Variants in SMARCA2 observed in about 807,000 individuals in gnomAD.
SMARCA2 encodes the protein SWI/SNF related BAF chromatin remodeling complex subunit ATPase 2.
A neutral mutation model predicts 199.8 loss-of-function variants in SMARCA2; 61 were observed. The observed-to-expected ratio is 0.31, with a 90% confidence interval of 0.25 to 0.38. The LOEUF (loss-of-function observed/expected upper bound fraction) is 0.38. SMARCA2 is among the 10% of genes least tolerant of loss of function. The pLI, the probability that SMARCA2 is intolerant of heterozygous loss-of-function variation, is 1.00. For missense variants in SMARCA2, 1,344 were observed against 2,012.2 expected, an observed-to-expected ratio of 0.67 and a Z score of 6.35; for synonymous variants, 935 against 732.0, an observed-to-expected ratio of 1.28 and a Z score of -4.48.
chr9:2,111,041 G>GTTTTTTTTTT (rs371262213), intron 24 of SMARCA2, among the ~76,000 whole-genome samples: 2 of 147,844 alleles, frequency 1.4e-5, no homozygotes, highest in African/African-American at 2.5e-5. Context: ...GTACTTTGAT[G>GTTTTTTTTTT]TTTTGTTTTT....
At chr9:2,015,786 G>C (rs923975841) in intron 1 of SMARCA2, among the ~76,000 whole-genome samples, 2 of 152,234 alleles carry the variant, frequency 1.3e-5, no homozygotes, top group African/African-American at 2.4e-5. Context: ...GGCAGTCAGA[G>C]GCGCTGCCAA....
intron 27 of SMARCA2, among the ~76,000 whole-genome samples, chr9:2,146,554 G>C (rs1294892939): frequency 6.6e-6 from 1 of 152,144 alleles, no homozygotes; most frequent in Non-Finnish European, 1.5e-5. Context: ...GAGGGTTCTT[G>C]AATCTTGCAC....
intron 23 of SMARCA2, among the ~76,000 whole-genome samples, chr9:2,106,658 T>C (rs1822767716): frequency 6.6e-6 from 1 of 152,224 alleles, no homozygotes; most frequent in Admixed American, 6.5e-5. Flanking sequence ...CTGAATTTGA[T>C]GTCTCAGATT....
chr9:2,160,742 A>C (rs975240040), intron 27 of SMARCA2: 17 of 434,692 alleles, frequency 3.9e-5, no homozygotes, highest in Non-Finnish European at 6.6e-5. Context: ...TGTGTGAGAG[A>C]GCAATCTCAA....
chr9:2,119,418 A>G lies in SMARCA2; in HGVS notation c.3685-40A>G. ...CACTTACTTGTTTGTACCTTGCCCC[A>G]GCTGTCCACTGGTTAAAATCACTCT... On this transcript the variant is annotated intron_variant, in intron 25 of 33. Transcript: ENST00000349721. The surrounding 1 kb of genome is among the most constrained non-coding windows in gnomAD (Gnocchi z 4.6). The G allele has an allele frequency of 7.3e-7, 1 of 1,376,974 alleles. No individual in the cohort carries two copies. The highest frequency in any genetic ancestry group is 1.2e-5 in the South Asian group (1 of 86,166). 85.3% of individuals were successfully genotyped at this position (1,376,974 alleles called of 1,614,324 possible). A position where few individuals can be genotyped will look rare whatever the true frequency, so the allele number is the denominator to read the frequency against.
At chr9:2,070,196 G>T (rs909957762) in intron 9 of SMARCA2, among the ~76,000 whole-genome samples, 1 of 152,128 alleles carries the variant, frequency 6.6e-6, no homozygotes, top group Non-Finnish European at 1.5e-5. Context: ...TAGTGTGCTG[G>T]CCTCAGATCA....
rs58526063 is a variant in SMARCA2, at chr9:2,054,997, T to C, written c.1173+274T>C. On this transcript the variant is annotated intron_variant, in intron 6 of 33. Transcript: ENST00000349721. ...TCAGAGTTATGGCGTTTTGTTACCA[T>C]GGATGAAAAACCTTGGGAACAAGTG... 0.014 allele frequency among the ~76,000 whole-genome samples: 2,085 copies of C among 152,326 alleles called. 41 individuals are homozygous for C. The highest frequency in any genetic ancestry group is 0.047 in the African/African-American group (1,947 of 41,562).
chr9:2,065,196 T>C (rs1313303117), intron 9 of SMARCA2, among the ~76,000 whole-genome samples: 1 of 151,894 alleles, frequency 6.6e-6, no homozygotes, highest in African/African-American at 2.4e-5. Context: ...AAAAAAAAAG[T>C]CTAGCCATTT....
At chr9:2,053,621 A>C (rs1283879092) in intron 5 of SMARCA2, among the ~76,000 whole-genome samples, 1 of 152,216 alleles carries the variant, frequency 6.6e-6, no homozygotes, top group African/African-American at 2.4e-5. Flanking sequence ...AGTGCTGTTA[A>C]TATTAGCCTA....
At chr9:2,140,264 C>G (rs775201772) in intron 27 of SMARCA2, among the ~76,000 whole-genome samples, 2 of 152,124 alleles carry the variant, frequency 1.3e-5, no homozygotes, top group Non-Finnish European at 2.9e-5. Context: ...CAAGTTTTCT[C>G]CAAATTTTCA....
At chr9:2,032,136 C>T (rs917826916) in intron 2 of SMARCA2, among the ~76,000 whole-genome samples, 10 of 152,190 alleles carry the variant, frequency 6.6e-5, no homozygotes, top group Non-Finnish European at 2.9e-5. Flanking sequence ...TGCTTGAAGT[C>T]ATTTGGTTTC....
Position 2,088,574 on chromosome 9 carries a change from G to A in SMARCA2, c.2844G>A (p.Arg948=). 6.3e-7 allele frequency: 1 copy of A among 1,596,004 alleles called. No homozygotes were observed. The highest frequency in any genetic ancestry group is 8.5e-7 in the Non-Finnish European group (1 of 1,175,566). ...LHKVLRPFLL[R]RLKKEVESQL... The stretch of plus-strand genomic sequence containing the variant: ...AGGTGTTAAGACCATTTTTACTAAG[G>A]AGACTGAAGAAAGAAGTTGAATCCC... Residue 948 remains arginine, a synonymous_variant, in exon 19 of 34, where the codon AGG becomes AGA. Coordinates refer to ENST00000349721, the MANE Select transcript of SMARCA2 (RefSeq NM_003070.5).
At position 2,017,270 on chromosome 9, in the gene SMARCA2, G is replaced by A. The variant is rs1818396119; in HGVS notation, c.-37+1866G>A. 6.6e-6 allele frequency: 1 copy of A among 151,880 alleles called. No individual in the cohort carries two copies. Among genetic ancestry groups the A allele is most frequent in the East Asian group, 1.9e-4 (1 of 5,150 alleles). 9.4% of individuals were successfully genotyped at this position (151,880 alleles called of 1,614,324 possible). On this transcript the variant is annotated intron_variant, in intron 1 of 33. Coordinates refer to ENST00000349721, the MANE Select transcript of SMARCA2 (RefSeq NM_003070.5). This position sits in a 1 kb window ranked among gnomAD's most constrained non-coding sequence, Gnocchi z 8.8. ...GTGGAGGGAAGTTGGACGTGGATCAGGCAGGAAAAAAAAAGTTTGGCAGGG... is the reference window on the plus strand; with the variant it reads ...GTGGAGGGAAGTTGGACGTGGATCAAGCAGGAAAAAAAAAGTTTGGCAGGG...
At chr9:2,069,870 T>G (rs181258455) in intron 9 of SMARCA2, among the ~76,000 whole-genome samples, 2 of 152,350 alleles carry the variant, frequency 1.3e-5, no homozygotes, top group Non-Finnish European at 1.5e-5. Flanking sequence ...TGTGTTACAG[T>G]TGATCCTGTC....
In SMARCA2 at chr9:2,192,729, A is replaced by G; in HGVS notation, c.4763A>G (p.Asp1588Gly). 6.2e-7 allele frequency: 1 copy of G among 1,609,204 alleles called. No individual in the cohort carries two copies. Among genetic ancestry groups the G allele is most frequent in the Non-Finnish European group, 8.5e-7 (1 of 1,175,510 alleles). Reference sequence around the variant, plus strand: ...GAACAGTCAGAAGGAAGTGGGACGGATGATGAGTGATCAGTATGGACCTTT... The same window carrying G: ...GAACAGTCAGAAGGAAGTGGGACGGGTGATGAGTGATCAGTATGGACCTTT... Reference protein sequence around the residue: ...EREQSEGSGTDDE With the variant: ...EREQSEGSGTGDE The change falls in exon 34 of 34, where the codon GAT becomes GGT. Residue 1588 changes from aspartate (D) to glycine (G), a missense_variant. Physicochemically the swap from Asp to Gly is moderately conservative, Grantham distance 94. Around this residue, in one of 18 missense-constraint regions of SMARCA2, gnomAD observed 155 missense variants for 121.1 expected, o/e 1.28. Transcript: ENST00000349721.
At chr9:2,051,983 G>T (rs1820138347) in intron 5 of SMARCA2, among the ~76,000 whole-genome samples, 1 of 152,190 alleles carries the variant, frequency 6.6e-6, no homozygotes, top group African/African-American at 2.4e-5. Flanking sequence ...GTTTCATATA[G>T]TGAAAATTAA....
rs930685639 is a variant in SMARCA2, at chr9:2,169,756, C to A, written c.4200-663C>A. On this transcript the variant is annotated intron_variant, in intron 28 of 33. Coordinates refer to ENST00000349721, the MANE Select transcript of SMARCA2 (RefSeq NM_003070.5). This position sits in a 1 kb window ranked among gnomAD's most constrained non-coding sequence, Gnocchi z 6.5. The stretch of plus-strand genomic sequence containing the variant: ...TGCCACCACAAAAAGGGACACCAAC[C>A]TAGCAGTTTCAAAAATCCTCAACTG... 6.6e-6 allele frequency among the ~76,000 whole-genome samples: 1 copy of A among 152,192 alleles called. No individual in the cohort carries two copies. Among genetic ancestry groups the A allele is most frequent in the African/African-American group, 2.4e-5 (1 of 41,452 alleles).
chr9:2,139,377 A>G (rs1031785481), intron 27 of SMARCA2, among the ~76,000 whole-genome samples: 1 of 152,138 alleles, frequency 6.6e-6, no homozygotes, highest in African/African-American at 2.4e-5. Context: ...CAGTTATAGA[A>G]GTGTGGAAAA....
In SMARCA2 at chr9:2,088,626, A is replaced by G. The variant is rs1263845521; in HGVS notation, c.2883+13A>G. 1 of 1,566,088 alleles carries G rather than the reference A, an allele frequency of 6.4e-7. No homozygotes were observed. The highest frequency in any genetic ancestry group is 8.6e-7 in the Non-Finnish European group (1 of 1,158,912). On this transcript the variant is annotated intron_variant, in intron 19 of 33. Transcript: ENST00000349721. Reference sequence around the variant, plus strand: ...GCTTCCCGAAAAAGTATGTTGCACAACCAAAAGTTGTGGGTTTTTTTTTTC... The same window carrying G: ...GCTTCCCGAAAAAGTATGTTGCACAGCCAAAAGTTGTGGGTTTTTTTTTTC...
Sources: gnomAD v4.1 joint callset for allele counts (sites outside exome capture counted in the v4.1 genomes callset) on GRCh38, gnomAD v4.1.1 for gene constraint, gnomAD v4.1.1 regional missense constraint, Gnocchi (gnomAD v3.1) non-coding constraint, MANE v1.5 for transcripts, NCBI Gene and HGNC (gene_info 2026-07-23, HGNC 2026-07-21) for gene names.